Variants in ACOX3 observed in about 807,000 individuals in gnomAD.
ACOX3 encodes the protein acyl-CoA oxidase 3, pristanoyl.
A neutral mutation model predicts 81.5 loss-of-function variants in ACOX3; 73 were observed. That is an observed-to-expected ratio of 0.90 (90% CI 0.74 to 1.09). The LOEUF (loss-of-function observed/expected upper bound fraction) is 1.09. Ranked by LOEUF, ACOX3 falls within the 50% of genes least tolerant of loss-of-function variation. The pLI is 0.00. For missense variants in ACOX3, 947 were observed against 928.0 expected, an observed-to-expected ratio of 1.02 and a Z score of -0.27; for synonymous variants, 387 against 375.1, an observed-to-expected ratio of 1.03 and a Z score of -0.37.
chr4:8,408,968 T>C (rs1443680444), intron 6 of ACOX3, among the ~76,000 whole-genome samples: 1 of 141,518 alleles, frequency 7.1e-6, no homozygotes, highest in Non-Finnish European at 1.5e-5. Flanking sequence ...GGAGTTAAAT[T>C]AGAGGACGCC....
rs932130967 is a variant in ACOX3 at position 8,432,235 on chromosome 4, A to G, written c.-15+8413T>C. Reference sequence around the variant, plus strand: ...ATGGCAAATGTTACTGGCTTGAGCCAATGAATTTTTTTTTTCGAGATGGAG... The same window carrying G: ...ATGGCAAATGTTACTGGCTTGAGCCGATGAATTTTTTTTTTCGAGATGGAG... On this transcript the variant is annotated intron_variant, in intron 1 of 17. Coordinates refer to ENST00000356406, the MANE Select transcript of ACOX3 (RefSeq NM_003501.3). The surrounding 1 kb of genome is among the most constrained non-coding windows in gnomAD (Gnocchi z 6.2). Among the ~76,000 whole-genome samples the G allele has an allele frequency of 6.6e-6, 1 of 152,118 alleles. No homozygotes were observed. The highest frequency in any genetic ancestry group is 1.5e-5 in the Non-Finnish European group (1 of 68,018).
chr4:8,390,101 T>TCCC (rs1718792234), intron 11 of ACOX3, among the ~76,000 whole-genome samples: 1 of 73,874 alleles, frequency 1.4e-5, no homozygotes, highest in Non-Finnish European at 2.4e-5. Flanking sequence ...AGACCCTGTC[T>TCCC]CAACAACAAC....
rs1456935899 is a variant in ACOX3 at position 8,385,441 on chromosome 4, C to T, written c.1537+3732G>A. Among the ~76,000 whole-genome samples, 1 of 152,212 alleles carries T rather than the reference C, an allele frequency of 6.6e-6. No homozygotes were observed. Among genetic ancestry groups the T allele is most frequent in the Non-Finnish European group, 1.5e-5 (1 of 68,032 alleles). ...TCACCTCTGGCCCACATCCCATGAC[C>T]TTGCAGTCCACAAATACACACGTGT... On this transcript the variant is annotated intron_variant, in intron 13 of 17. Transcript: ENST00000356406. The surrounding 1 kb of genome is among the most constrained non-coding windows in gnomAD (Gnocchi z 5.5).
At chr4:8,391,223 G>C (rs1409417331) in intron 11 of ACOX3, among the ~76,000 whole-genome samples, 2 of 152,212 alleles carry the variant, frequency 1.3e-5, no homozygotes, top group Admixed American at 1.3e-4. Flanking sequence ...TGAGTAACTT[G>C]TGTACAGCCA....
rs1400665171 is a variant in ACOX3 at position 8,410,076 on chromosome 4, T to C, written c.687+136A>G. Reference sequence around the variant, plus strand: ...GGGGCTATGGGATGCACTGGGGTCCTGGGCAGTGTCCCTGGTCCACTCACC... The same window carrying C: ...GGGGCTATGGGATGCACTGGGGTCCCGGGCAGTGTCCCTGGTCCACTCACC... On this transcript the variant is annotated intron_variant, in intron 6 of 17. Transcript: ENST00000356406. 9 of 1,189,674 alleles carry C rather than the reference T, an allele frequency of 7.6e-6. No individual in the cohort carries two copies. The South Asian group carries it at 1.3e-4, about 17-fold the overall frequency. The allele number at this position is 1,189,674 out of a possible 1,614,324, so 73.7% of individuals were successfully genotyped here.
Position 8,427,007 on chromosome 4 carries a change from G to A in ACOX3, c.-14-10472C>T, listed in dbSNP as rs528217884. On this transcript the variant is annotated intron_variant, in intron 1 of 17. Transcript: ENST00000356406. ...TCCCCAACAGCACTTGGGTTTTCCT[G>A]TTGAGAGGGGGTACTAAGAGACAGG... Among the ~76,000 whole-genome samples, 3 of 152,326 alleles carry A rather than the reference G, an allele frequency of 2.0e-5. No individual in the cohort carries two copies. In the South Asian group the frequency reaches 6.2e-4, roughly 32 times the overall value.
chr4:8,373,608 G>A lies in ACOX3; in HGVS notation c.1849C>T (p.Gln617Ter). Residue 617 changes from glutamine to a stop codon, truncating the protein, a stop_gained, in exon 16 of 18, where the codon CAG (glutamine) becomes TAG (stop). Transcript: ENST00000356406. LOFTEE classifies it high-confidence loss of function. ...GCGCTCTCCAACACTTCTCCCGCCT[G>A]CTCACCGGAGAAGTATCCTCCTGCA... is the stretch of plus-strand genomic sequence containing the variant. Reference protein sequence around the residue: ...LYRGGYFSGEQAGEVLESAVL... With the variant: ...LYRGGYFSGE 1.2e-6 allele frequency: 2 copies of A among 1,613,012 alleles called. No homozygotes were observed. The highest frequency in any genetic ancestry group is 2.2e-5 in the South Asian group (2 of 90,762).
chr4:8,395,467 C>A (rs536689085), intron 9 of ACOX3, among the ~76,000 whole-genome samples: 1 of 152,124 alleles, frequency 6.6e-6, no homozygotes, highest in Non-Finnish European at 1.5e-5. Flanking sequence ...CTGAGGAAAC[C>A]GCCATCACCA....
intron 1 of ACOX3, among the ~76,000 whole-genome samples, chr4:8,434,183 G>A (rs1290232733): frequency 5.3e-5 from 8 of 152,262 alleles, no homozygotes; most frequent in Middle Eastern, 3.4e-3. Flanking sequence ...CCCCAGTCAC[G>A]TTTCCCACAC....
In ACOX3 at chr4:8,414,097, G is replaced by C. The variant is rs1722073108; in HGVS notation, c.543+195C>G. Among the ~76,000 whole-genome samples, 1 of 152,158 alleles carries C rather than the reference G, an allele frequency of 6.6e-6. No homozygotes were observed. Among genetic ancestry groups the C allele is most frequent in the South Asian group, 2.1e-4 (1 of 4,824 alleles). ...CCCATAAAGTTCATGGTGGGCACAG[G>C]CTTTGTCCTCCAATGCCTGATCTCC... is the stretch of plus-strand genomic sequence containing the variant. On this transcript the variant is annotated intron_variant, in intron 5 of 17. Coordinates refer to ENST00000356406, the MANE Select transcript of ACOX3 (RefSeq NM_003501.3). The surrounding 1 kb of genome is among the most constrained non-coding windows in gnomAD (Gnocchi z 6.1).
chr4:8,429,996 C>CA (rs1723862805), intron 1 of ACOX3, among the ~76,000 whole-genome samples: 1 of 151,900 alleles, frequency 6.6e-6, no homozygotes, highest in African/African-American at 2.4e-5. Context: ...CAGTGCAGCT[C>CA]AGTTATGGGG....
At chr4:8,387,984 T>C (rs1377132556) in intron 13 of ACOX3, among the ~76,000 whole-genome samples, 2 of 152,194 alleles carry the variant, frequency 1.3e-5, no homozygotes, top group East Asian at 3.9e-4. Flanking sequence ...TTTTTAAAAA[T>C]ATGAATCATC....
chr4:8,356,385 GCA>G, the ACOX3 span: 9 of 385,216 alleles, frequency 2.3e-5, no homozygotes, highest in Admixed American at 8.9e-5. Context: ...ACCAACTCAC[GCA>G]CAGTGATGCA....
At chr4:8,415,022 G>T in intron 3 of ACOX3, 94 bp from the exon 4 acceptor site, 1 of 1,133,370 alleles carries the variant, frequency 8.8e-7, no homozygotes, top group Non-Finnish European at 1.3e-6. Context: ...TCAACACCAT[G>T]CCCACGCTGG....
chr4:8,437,887 T>C lies in ACOX3; in HGVS notation c.-15+2761A>G, dbSNP rs1312094603. Reference sequence around the variant, plus strand: ...GACTAGGGCAGACTAGGCACCTTCTTATTAGGCTCCCAGGAGCCCATTGTC... The same window carrying C: ...GACTAGGGCAGACTAGGCACCTTCTCATTAGGCTCCCAGGAGCCCATTGTC... On this transcript the variant is annotated intron_variant, in intron 1 of 17. Transcript: ENST00000356406. The surrounding 1 kb of genome is among the most constrained non-coding windows in gnomAD (Gnocchi z 5.2). Among the ~76,000 whole-genome samples, 2 of 152,328 alleles carry C rather than the reference T, an allele frequency of 1.3e-5. No individual in the cohort carries two copies. Among genetic ancestry groups the C allele is most frequent in the South Asian group, 2.1e-4 (1 of 4,822 alleles).
chr4:8,377,323 A>G (rs1717094816), intron 14 of ACOX3, among the ~76,000 whole-genome samples: 1 of 152,028 alleles, frequency 6.6e-6, no homozygotes, highest in Non-Finnish European at 1.5e-5. Context: ...TTTTTCCATG[A>G]AAGTGACACA....
intron 17 of ACOX3, among the ~76,000 whole-genome samples, chr4:8,369,300 G>T (rs1018464093): frequency 6.6e-6 from 1 of 152,134 alleles, no homozygotes; most frequent in Non-Finnish European, 1.5e-5. Flanking sequence ...GCCTCTCCCA[G>T]GAAGGTGGGT....
intron 15 of ACOX3, 114 bp from the exon 16 acceptor site, chr4:8,373,742 T>C (rs1049172014): frequency 4.4e-6 from 4 of 909,468 alleles, no homozygotes; most frequent in Middle Eastern, 2.2e-4. Context: ...CTGTTTTGGG[T>C]GAACACATCA....
At position 8,406,065 on chromosome 4, in the gene ACOX3, A is replaced by G. The variant is rs758885295; in HGVS notation, c.688-22T>C. 1 of 1,604,836 alleles carries G rather than the reference A, an allele frequency of 6.2e-7. No individual in the cohort carries two copies. ...GGATCTATACAAAGCCACAGAAAGCAGCAAACAGCAACTGTTACAATCACA... is the reference window on the plus strand; with the variant it reads ...GGATCTATACAAAGCCACAGAAAGCGGCAAACAGCAACTGTTACAATCACA... On this transcript the variant is annotated intron_variant, in intron 6 of 17. Transcript: ENST00000356406. The surrounding 1 kb of genome is among the most constrained non-coding windows in gnomAD (Gnocchi z 5.6).
Sources: allele counts gnomAD v4.1 joint callset (sites outside exome capture counted in the v4.1 genomes callset), GRCh38; gene constraint gnomAD v4.1.1; non-coding constraint Gnocchi (gnomAD v3.1); transcripts MANE v1.5; gene names NCBI Gene and HGNC (gene_info 2026-07-23, HGNC 2026-07-21).